Variants in NWD2 observed in about 807,000 individuals in gnomAD.
The protein encoded by NWD2 is NACHT and WD repeat domain-containing protein 2.
NWD2 carries 37 observed loss-of-function variants against 132.7 expected under a neutral mutation model. The observed-to-expected ratio is 0.28, with a 90% confidence interval of 0.21 to 0.37. The LOEUF (loss-of-function observed/expected upper bound fraction) is 0.37. Ranked by LOEUF, NWD2 falls within the 10% of genes least tolerant of loss-of-function variation. The probability of loss-of-function intolerance (pLI) is 1.00; values close to 1 mark genes in which losing one functional copy is unlikely to be tolerated. For missense variants in NWD2, 1,592 were observed against 2,122.4 expected, an observed-to-expected ratio of 0.75 and a Z score of 4.91; for synonymous variants, 705 against 803.0, an observed-to-expected ratio of 0.88 and a Z score of 2.06.
intron 1 of NWD2, among the ~76,000 whole-genome samples, chr4:37,246,627 A>G (rs557671229): frequency 6.6e-6 from 1 of 152,358 alleles, no homozygotes; most frequent in South Asian, 2.1e-4. Context: ...ATTTAAGGCA[A>G]TCTGCGACTT....
intron 1 of NWD2, among the ~76,000 whole-genome samples, chr4:37,297,335 T>A (rs973691890): frequency 2.6e-5 from 4 of 152,240 alleles, no homozygotes; most frequent in African/African-American, 9.6e-5. Context: ...ACTGTATTAT[T>A]TGTATTATTT....
Position 37,446,925 on chromosome 4 carries a change from T to C in NWD2, c.4937T>C (p.Val1646Ala). ...GGGAGTATAGGGATCTACACGGTAG[T>C]AGACCGTGTAGATGCTGCACTGAAA... ...DDGSIGIYTV[V>A]DRVDAALKIK... Residue 1646 changes from valine (V) to alanine (A), a missense_variant, in exon 7 of 7, where the codon GTA becomes GCA. Transcript: ENST00000309447. The surrounding 1 kb of genome is among the most constrained non-coding windows in gnomAD (Gnocchi z 6.7). 1 of 1,551,580 alleles carries C rather than the reference T, an allele frequency of 6.4e-7. No individual in the cohort carries two copies. Among genetic ancestry groups the C allele is most frequent in the Non-Finnish European group, 8.7e-7 (1 of 1,146,892 alleles).
chr4:37,366,948 A>G (rs944847162), intron 3 of NWD2, among the ~76,000 whole-genome samples: 2 of 152,208 alleles, frequency 1.3e-5, no homozygotes, highest in African/African-American at 2.4e-5. Context: ...GTAAGTATGT[A>G]GATTTGAATA....
chr4:37,245,000 A>C lies in NWD2; in HGVS notation c.-68A>C. 1 of 1,531,030 alleles carries C rather than the reference A, an allele frequency of 6.5e-7. No individual in the cohort carries two copies. The highest frequency in any genetic ancestry group is 8.8e-7 in the Non-Finnish European group (1 of 1,142,100). The allele number at this position is 1,531,030 out of a possible 1,614,324, so 94.8% of individuals were successfully genotyped here. On this transcript the variant is annotated 5_prime_UTR_variant, in exon 1 of 7. Transcript: ENST00000309447. The surrounding 1 kb of genome is among the most constrained non-coding windows in gnomAD (Gnocchi z 5.5). ...GACCGCCTGCTGAGCCGTTCCGTGG[A>C]GCTGCGGGCAGGAACCCGAGGAGCA...
intron 1 of NWD2, among the ~76,000 whole-genome samples, chr4:37,313,361 G>T (rs1208209032): frequency 1.8e-5 from 2 of 108,550 alleles, no homozygotes; most frequent in Non-Finnish European, 4.5e-5. Flanking sequence ...TCTTGGGAGG[G>T]TGTATGTGTT....
chr4:37,315,230 C>G (rs960464672), intron 1 of NWD2, among the ~76,000 whole-genome samples: 2 of 152,048 alleles, frequency 1.3e-5, no homozygotes, highest in Middle Eastern at 3.4e-3. Flanking sequence ...TCCATGAGCA[C>G]CAGTAAAGAA....
chr4:37,429,593 G>A (rs1026932765), intron 3 of NWD2, among the ~76,000 whole-genome samples: 1 of 152,182 alleles, frequency 6.6e-6, no homozygotes, highest in African/African-American at 2.4e-5. Context: ...TGGGATTACA[G>A]GCAAGAGCCA....
At chr4:37,245,458 G>T (rs1272742676) in intron 1 of NWD2, among the ~76,000 whole-genome samples, 5 of 151,940 alleles carry the variant, frequency 3.3e-5, no homozygotes, top group Non-Finnish European at 7.4e-5. Flanking sequence ...TTATTCCCCT[G>T]GGTCAATCCA....
chr4:37,436,401 C>T, intron 5 of NWD2, among the ~76,000 whole-genome samples: 1 of 152,240 alleles, frequency 6.6e-6, no homozygotes, highest in East Asian at 1.9e-4. Context: ...TCATAGCTCT[C>T]ATTTATTTAG....
At chr4:37,420,648 C>T (rs1353677476) in intron 3 of NWD2, among the ~76,000 whole-genome samples, 1 of 152,146 alleles carries the variant, frequency 6.6e-6, no homozygotes, top group African/African-American at 2.4e-5. Flanking sequence ...GCACCACTGC[C>T]AGTCCAGTCT....
rs190414120 is a variant in NWD2 at position 37,392,122 on chromosome 4, A to G, written c.357+35640A>G. 9.2e-5 allele frequency among the ~76,000 whole-genome samples: 14 copies of G among 152,224 alleles called. No individual in the cohort carries two copies. The East Asian group carries it at 2.7e-3, about 29-fold the overall frequency. ...AGGCTGAGGTGGGAGAATTGCTGGA[A>G]CCTGGGAGGCAGAGGTTGCAGTAAG... is the stretch of plus-strand genomic sequence containing the variant. On this transcript the variant is annotated intron_variant, in intron 3 of 6. Coordinates refer to ENST00000309447, the MANE Select transcript of NWD2 (RefSeq NM_001144990.2).
chr4:37,354,218 T>C (rs1029475031), intron 2 of NWD2, among the ~76,000 whole-genome samples: 2 of 152,150 alleles, frequency 1.3e-5, no homozygotes, highest in Non-Finnish European at 2.9e-5. Context: ...CTCTGGAAGC[T>C]TCATCCCAGA....
At chr4:37,395,305 T>C (rs985032514) in intron 3 of NWD2, among the ~76,000 whole-genome samples, 1 of 152,042 alleles carries the variant, frequency 6.6e-6, no homozygotes, top group South Asian at 2.1e-4. Flanking sequence ...CTGAGCTCAA[T>C]TGAGGACACA....
At chr4:37,367,057 G>A (rs546812240) in intron 3 of NWD2, among the ~76,000 whole-genome samples, 12 of 152,192 alleles carry the variant, frequency 7.9e-5, no homozygotes, top group Middle Eastern at 3.4e-3. Flanking sequence ...TTGCTAAAGT[G>A]CAAAGGATGA....
intron 3 of NWD2, among the ~76,000 whole-genome samples, chr4:37,378,451 G>A (rs10856828): frequency 0.52 from 78,517 of 152,078 alleles, 22,878 homozygotes; most frequent in Non-Finnish European, 0.67. Flanking sequence ...ATTTTGGATG[G>A]TGGACCACAA....
intron 3 of NWD2, among the ~76,000 whole-genome samples, chr4:37,411,994 AAG>A (rs1354791963): frequency 6.6e-6 from 1 of 152,226 alleles, no homozygotes; most frequent in Non-Finnish European, 1.5e-5. Flanking sequence ...TCGAAATAAT[AAG>A]AGCTATTTAT....
intron 2 of NWD2, among the ~76,000 whole-genome samples, chr4:37,330,746 TC>T (rs1464606918): frequency 6.6e-6 from 1 of 152,176 alleles, no homozygotes; most frequent in Non-Finnish European, 1.5e-5. Flanking sequence ...GTAAGTGTGT[TC>T]AGCAGAACTG....
chr4:37,406,266 G>A (rs367780122), intron 3 of NWD2, among the ~76,000 whole-genome samples: 18 of 152,106 alleles, frequency 1.2e-4, no homozygotes, highest in Admixed American at 3.3e-4. Context: ...GAAACAGACC[G>A]ACACATCCCA....
At chr4:37,379,993 T>C (rs1474910628) in intron 3 of NWD2, among the ~76,000 whole-genome samples, 1 of 152,254 alleles carries the variant, frequency 6.6e-6, no homozygotes, top group Non-Finnish European at 1.5e-5. Context: ...AAGAAGCATT[T>C]GAACTTGGCT....
Sources: allele counts gnomAD v4.1 joint callset (sites outside exome capture counted in the v4.1 genomes callset), GRCh38; gene constraint gnomAD v4.1.1; non-coding constraint Gnocchi (gnomAD v3.1); transcripts MANE v1.5; gene names NCBI Gene and HGNC (gene_info 2026-07-23, HGNC 2026-07-21).